MACO1: variants seen among roughly 807,000 people sequenced by gnomAD.
The protein encoded by MACO1 is macoilin.
In MACO1, 14 loss-of-function variants were observed where a neutral mutation model predicts 78.7. That is an observed-to-expected ratio of 0.18 (90% confidence interval 0.12 to 0.28). The LOEUF (loss-of-function observed/expected upper bound fraction) is 0.28, where lower values mean the gene tolerates loss of function less well. MACO1 is among the 10% of genes least tolerant of loss of function. MACO1 has a pLI of 1.00. For missense variants in MACO1, 501 were observed against 799.0 expected (o/e 0.63, Z 4.50); for synonymous variants, 288 against 291.6 (o/e 0.99, Z 0.12).
intron 1 of MACO1, among the ~76,000 whole-genome samples, chr1:25,440,003 C>T (rs1204537012): frequency 1.2e-4 from 13 of 107,588 alleles, no homozygotes; most frequent in East Asian, 4.5e-4. Flanking sequence ...GGGCAACAAG[C>T]GAAACTCTGT....
At chr1:25,464,502 A>T (rs1277454428) in intron 6 of MACO1, among the ~76,000 whole-genome samples, 7 of 149,404 alleles carry the variant, frequency 4.7e-5, no homozygotes, top group African/African-American at 1.7e-4. Flanking sequence ...CTGCCATCAC[A>T]CTCGGCTAAT....
chr1:25,493,381 T>C (rs537310806), intron 10 of MACO1, among the ~76,000 whole-genome samples: 2 of 152,014 alleles, frequency 1.3e-5, no homozygotes, highest in African/African-American at 2.4e-5. Context: ...GCTATGACTA[T>C]AGGCATGTGC....
intron 3 of MACO1, among the ~76,000 whole-genome samples, chr1:25,453,223 C>G (rs1246099039): frequency 1.3e-5 from 2 of 148,982 alleles, no homozygotes; most frequent in African/African-American, 2.5e-5. Context: ...CCAGGCTGGT[C>G]TTGACTCCCG....
intron 7 of MACO1, 94 bp downstream of exon 7, chr1:25,484,368 A>G (rs1462944881): frequency 7.9e-7 from 1 of 1,260,554 alleles, no homozygotes; most frequent in Non-Finnish European, 1.1e-6. Context: ...ATGGTGACAG[A>G]GACCTGCTGA....
chr1:25,478,592 A>G (rs967046582), intron 6 of MACO1, among the ~76,000 whole-genome samples: 4 of 152,198 alleles, frequency 2.6e-5, no homozygotes, highest in African/African-American at 9.7e-5. Flanking sequence ...GTGCTGCTGT[A>G]TGGGTCCCAA....
At chr1:25,491,314 C>T (rs2043483985) in intron 9 of MACO1, 96 bp from the exon 10 acceptor site, 1 of 1,538,570 alleles carries the variant, frequency 6.5e-7, no homozygotes, top group African/African-American at 1.4e-5. Flanking sequence ...GTGGCCAGAC[C>T]AAGAATAGTG....
chr1:25,476,734 C>T (rs1266859927), intron 6 of MACO1, among the ~76,000 whole-genome samples: 1 of 152,214 alleles, frequency 6.6e-6, no homozygotes, highest in Admixed American at 6.5e-5. Context: ...CCTAATGGAA[C>T]TAGGTACTAA....
chr1:25,484,209 C>A lies in MACO1; in HGVS notation c.1248C>A (p.Ser416Arg), dbSNP rs368631434. 2.5e-6 allele frequency: 4 copies of A among 1,613,844 alleles called. No individual in the cohort carries two copies. The highest frequency in any genetic ancestry group is 3.4e-6 in the Non-Finnish European group (4 of 1,179,994). The change falls in exon 7 of 11, where the codon AGC (serine) becomes AGA (arginine). Residue 416 changes from serine to arginine, a missense_variant. Transcript: ENST00000374343. ...ELRSQISSLS[S>R]TERGIRSEMG... ...GCAGTCAGATCAGCTCCCTTTCGAG[C>A]ACCGAGCGAGGGATCCGCTCAGAAA...
rs116049520 is a variant in MACO1, at chr1:25,473,774, C to T, written c.1155-10342C>T. Among the ~76,000 whole-genome samples the T allele has an allele frequency of 9.9e-3, 1,508 of 152,320 alleles. 23 individuals carry two copies. The highest frequency in any genetic ancestry group is 0.035 in the African/African-American group (1,448 of 41,568). ...CATTTAGAAACTGGCTATTTGGATA[C>T]TTTGCCAGCCAATGTGGGTATATTT... On this transcript the variant is annotated intron_variant, in intron 6 of 10. Transcript: ENST00000374343.
At chr1:25,477,201 A>G (rs1269767608) in intron 6 of MACO1, among the ~76,000 whole-genome samples, 3 of 152,210 alleles carry the variant, frequency 2.0e-5, no homozygotes, top group African/African-American at 7.2e-5. Context: ...GATATTGGGC[A>G]CCGTGTGCTG....
chr1:25,478,150 C>A (rs1489910934), intron 6 of MACO1, among the ~76,000 whole-genome samples: 1 of 152,150 alleles, frequency 6.6e-6, no homozygotes, highest in African/African-American at 2.4e-5. Flanking sequence ...GAGGCTGAGG[C>A]ACAGGAATCA....
chr1:25,435,833 T>G (rs1192989821), intron 1 of MACO1, among the ~76,000 whole-genome samples: 1 of 152,206 alleles, frequency 6.6e-6, no homozygotes, highest in Non-Finnish European at 1.5e-5. Flanking sequence ...TTAGCTAAAC[T>G]CTTCTATTTG....
rs1384942811 is a variant in MACO1, at chr1:25,485,838, C to G, written c.1496+43C>G. The stretch of plus-strand genomic sequence containing the variant: ...GAGTGTTTAATCCAAGGTTGGCTTT[C>G]CTTTACCAACAAAGACATGGGAATT... On this transcript the variant is annotated intron_variant, in intron 8 of 10. Coordinates refer to ENST00000374343, the MANE Select transcript of MACO1 (RefSeq NM_018202.6). This position sits in a 1 kb window ranked among gnomAD's most constrained non-coding sequence, Gnocchi z 4.3. 6.4e-7 allele frequency: 1 copy of G among 1,569,274 alleles called. No homozygotes were observed. The highest frequency in any genetic ancestry group is 8.6e-7 in the Non-Finnish European group (1 of 1,158,270).
chr1:25,456,635 G>A lies in MACO1; in HGVS notation c.474-18G>A. On this transcript the variant is annotated intron_variant, in intron 4 of 10. Transcript: ENST00000374343. ...CATTTTAAACCTACAATTACTGGCT[G>A]GATTGTCTTCTTTCTAGTATTGGGT... 8.7e-6 allele frequency: 14 copies of A among 1,606,868 alleles called. No homozygotes were observed. Among genetic ancestry groups the A allele is most frequent in the Non-Finnish European group, 1.2e-5 (14 of 1,177,738 alleles).
chr1:25,441,734 T>C (rs2042974800), intron 1 of MACO1, among the ~76,000 whole-genome samples: 1 of 152,152 alleles, frequency 6.6e-6, no homozygotes, highest in Non-Finnish European at 1.5e-5. Flanking sequence ...CGGCTTATTG[T>C]GAGGAAGTGA....
At chr1:25,433,604 G>C (rs2042894859) in intron 1 of MACO1, among the ~76,000 whole-genome samples, 1 of 152,066 alleles carries the variant, frequency 6.6e-6, no homozygotes, top group African/African-American at 2.4e-5. Context: ...TTCTCAGTCT[G>C]TACAACTTTC....
chr1:25,440,635 G>A (rs963382630), intron 1 of MACO1, among the ~76,000 whole-genome samples: 12 of 151,712 alleles, frequency 7.9e-5, no homozygotes, highest in African/African-American at 2.9e-4. Flanking sequence ...CAGGCATGGT[G>A]GTAGGCACCT....
chr1:25,446,443 G>A (rs988743971), intron 1 of MACO1, among the ~76,000 whole-genome samples: 3 of 152,180 alleles, frequency 2.0e-5, no homozygotes, highest in African/African-American at 7.2e-5. Context: ...GTAATTTTGA[G>A]AGTGTTGCAG....
rs2042856131 is a variant in MACO1, at chr1:25,430,937, C to T, written c.-162C>T. 2.1e-6 allele frequency: 1 copy of T among 471,214 alleles called. No individual in the cohort carries two copies. Among genetic ancestry groups the T allele is most frequent in the Non-Finnish European group, 3.8e-6 (1 of 265,394 alleles). 29.2% of individuals were successfully genotyped at this position (471,214 alleles called of 1,614,324 possible). A position where few individuals can be genotyped will look rare whatever the true frequency, so the allele number is the denominator to read the frequency against. ...CCGAAGGCGGAGGAGGCTCCGAGCC[C>T]CCCCTCCCCGTGCTACCCCCTCCCC... is the stretch of plus-strand genomic sequence containing the variant. On this transcript the variant is annotated 5_prime_UTR_variant, in exon 1 of 11. Transcript: ENST00000374343.
Sources: allele counts gnomAD v4.1 joint callset (sites outside exome capture counted in the v4.1 genomes callset), GRCh38; gene constraint gnomAD v4.1.1; non-coding constraint Gnocchi (gnomAD v3.1); transcripts MANE v1.5; gene names NCBI Gene and HGNC (gene_info 2026-07-23, HGNC 2026-07-21).